The following PTPN18 variants were observed in gnomAD, a reference collection of about 807,000 sequenced individuals.
The protein encoded by PTPN18 is protein tyrosine phosphatase non-receptor type 18.
Under a neutral mutation model 65.4 loss-of-function variants are expected in PTPN18, and 65 were observed. The observed-to-expected ratio is 0.99, with a 90% CI of 0.81 to 1.22. PTPN18 has a LOEUF of 1.22. Among genes scored for constraint, PTPN18 ranks in the 50% most tolerant of loss-of-function variants. PTPN18 has a pLI of 0.00. For synonymous variants in PTPN18, 255 were observed against 267.8 expected, an observed-to-expected ratio of 0.95 and a Z score of 0.47; for missense variants, 616 against 646.5, an observed-to-expected ratio of 0.95 and a Z score of 0.51.
rs1265843061 is a variant in PTPN18, at chr2:130,358,973, C to G, written c.200C>G (p.Pro67Arg). ...VRKNRYKDVL[P>R]YDQTRVILSL... Reference sequence around the variant, plus strand: ...AAGAACCGCTACAAAGACGTGCTGCCTTGTAAGTCGGGGCTTCCGTAGGGA... The same window carrying G: ...AAGAACCGCTACAAAGACGTGCTGCGTTGTAAGTCGGGGCTTCCGTAGGGA... The change falls in exon 2 of 15, where the codon CCT becomes CGT. Residue 67 changes from proline to arginine, a missense_variant and splice_region_variant. Pro to Arg is a moderately radical substitution (Grantham distance 103). Coordinates refer to ENST00000175756, the MANE Select transcript of PTPN18 (RefSeq NM_014369.4). The G allele has an allele frequency of 6.2e-7, 1 of 1,613,640 alleles. No homozygotes were observed.
At chr2:130,369,967 G>T (rs999005997) in intron 7 of PTPN18, 81 bp from the exon 8 acceptor site, 7 of 1,576,032 alleles carry the variant, frequency 4.4e-6, no homozygotes, top group Non-Finnish European at 6.1e-6. Context: ...CTAGAAGTGG[G>T]CCTGGTGTAT....
chr2:130,373,346 G>C lies in PTPN18; in HGVS notation c.*122G>C. ...TGGATCAAAGTTAAAGTTTCTCAGG[G>C]TGGGAAATGTGGGGGCTTTGCCCCA... On this transcript the variant is annotated 3_prime_UTR_variant, in exon 15 of 15. Transcript: ENST00000175756. This position sits in a 1 kb window ranked among gnomAD's most constrained non-coding sequence, Gnocchi z 4.1. The C allele has an allele frequency of 9.8e-7, 1 of 1,019,048 alleles. No homozygotes were observed. The highest frequency in any genetic ancestry group is 1.4e-6 in the Non-Finnish European group (1 of 719,126). The allele number at this position is 1,019,048 out of a possible 1,614,324, so 63.1% of individuals were successfully genotyped here.
chr2:130,356,457 T>G, intron 1 of PTPN18: 5 of 499,526 alleles, frequency 1.0e-5, no homozygotes, highest in Admixed American at 3.0e-5. Flanking sequence ...TCGTTCCCGG[T>G]GTCCTCGTCG....
At chr2:130,371,525 C>T (rs1680565497) in intron 12 of PTPN18, among the ~76,000 whole-genome samples, 1 of 152,172 alleles carries the variant, frequency 6.6e-6, no homozygotes, top group Non-Finnish European at 1.5e-5. Context: ...TTCCTGGATC[C>T]TCTAATCAAA....
intron 5 of PTPN18, among the ~76,000 whole-genome samples, chr2:130,361,576 C>T (rs1361874470): frequency 8.8e-5 from 9 of 101,910 alleles, no homozygotes; most frequent in African/African-American, 4.0e-4. Context: ...CCTTTCTTTC[C>T]TTTCTTTCCT....
rs755390465 is a variant in PTPN18, at chr2:130,372,868, C to T, written c.1241-5C>T. The T allele has an allele frequency of 1.9e-6, 3 of 1,614,122 alleles. No homozygotes were observed. The highest frequency in any genetic ancestry group is 1.7e-6 in the Non-Finnish European group (2 of 1,180,018). ...GCTGACCCGTGGGGGGTCTGCTGCC[C>T]TCAGTTCCTGCTGACCAAAGTCCTG... On this transcript the variant is annotated splice_polypyrimidine_tract_variant and splice_region_variant and intron_variant, in intron 13 of 14. Transcript: ENST00000175756.
rs1238536826 is a variant in PTPN18, at chr2:130,370,902, G to C, written c.862G>C (p.Val288Leu). 1 of 1,614,108 alleles carries C rather than the reference G, an allele frequency of 6.2e-7. No individual in the cohort carries two copies. Among genetic ancestry groups the C allele is most frequent in the South Asian group, 1.1e-5 (1 of 91,080 alleles). ...GCAGTACAGGTTCCTGTACCACACG[G>C]TGGCTCAGATGTTCTGCTCCACACT... ...EEQYRFLYHTVAQMFCSTLQN... is the reference protein window; with the variant it reads ...EEQYRFLYHTLAQMFCSTLQN... Residue 288 changes from valine to leucine, a missense_variant, in exon 11 of 15, where the codon GTG becomes CTG. Transcript: ENST00000175756.
At chr2:130,367,412 G>A (rs2104944074) in intron 5 of PTPN18, among the ~76,000 whole-genome samples, 1 of 152,248 alleles carries the variant, frequency 6.6e-6, no homozygotes, top group South Asian at 2.1e-4. Context: ...GGTGGCTCAT[G>A]CCTGTAATCC....
At position 130,370,076 on chromosome 2, in the gene PTPN18, AT is replaced by A; in HGVS notation, c.576del (p.Tyr192Ter). 1 of 1,614,100 alleles carries A rather than the reference AT, an allele frequency of 6.2e-7. No homozygotes were observed. Among genetic ancestry groups the A allele is most frequent in the Non-Finnish European group, 8.5e-7 (1 of 1,180,022 alleles). On this transcript the variant is annotated frameshift_variant, in exon 8 of 15. Transcript: ENST00000175756. LOFTEE classifies it high-confidence loss of function. ...TCCCGTTCTGTGTACCAGCTACAGT[AT>A]ATGTCCTGGCCAGACCGTGGGGTCC... ...KESRSVYQLQ[Y>X]MSWPDRGVPS...
At position 130,370,137 on chromosome 2, in the gene PTPN18, G is replaced by A; in HGVS notation, c.636G>A (p.Glu212=). The A allele has an allele frequency of 6.2e-7, 1 of 1,614,032 alleles. No homozygotes were observed. The highest frequency in any genetic ancestry group is 8.5e-7 in the Non-Finnish European group (1 of 1,180,040). ...SSPDHMLAMV[E]EARRLQGSGP... is the part of the protein sequence containing the mutation. ...CTGACCACATGCTCGCCATGGTGGA[G>A]GAAGCCCGTCGCCTCCAGGGATCTG... Residue 212 remains glutamate, a synonymous_variant, in exon 8 of 15, where the codon GAG becomes GAA. Transcript: ENST00000175756.
Position 130,359,384 on chromosome 2 carries a change from C to G in PTPN18, c.280-13C>G. On this transcript the variant is annotated splice_polypyrimidine_tract_variant and intron_variant, in intron 3 of 14. Coordinates refer to ENST00000175756, the MANE Select transcript of PTPN18 (RefSeq NM_014369.4). ...GGCCGCAGAATCTCAGTCGTGAATT[C>G]GGCCTTCACCAGGGCGTGGATGGAA... 1 of 1,614,070 alleles carries G rather than the reference C, an allele frequency of 6.2e-7. No individual in the cohort carries two copies. Among genetic ancestry groups the G allele is most frequent in the Non-Finnish European group, 8.5e-7 (1 of 1,179,974 alleles).
chr2:130,358,971 GC>G lies in PTPN18; in HGVS notation c.200del (p.Pro67LeufsTer7), dbSNP rs754968670. ...GGAAGAACCGCTACAAAGACGTGCT[GC>G]CTTGTAAGTCGGGGCTTCCGTAGGG... ...VRKNRYKDVLPYDQTRVILSL... is the reference protein window; with the variant it reads ...VRKNRYKDVLXYDQTRVILSL... On this transcript the variant is annotated frameshift_variant, in exon 2 of 15. Transcript: ENST00000175756. LOFTEE classifies it high-confidence loss of function. 7.4e-6 allele frequency: 12 copies of G among 1,613,698 alleles called. No homozygotes were observed. The highest frequency in any genetic ancestry group is 8.5e-6 in the Non-Finnish European group (10 of 1,179,726).
chr2:130,357,811 G>A lies in PTPN18; in HGVS notation c.94-1056G>A, dbSNP rs1165112619. Among the ~76,000 whole-genome samples, 26 of 147,532 alleles carry A rather than the reference G, an allele frequency of 1.8e-4. No individual in the cohort carries two copies. The East Asian group carries it at 5.2e-3, about 29-fold the overall frequency. ...GCGGAGCTTGCAGTGAGCCGAGATC[G>A]CGCCACTGCAGTCCAGCCTGGGCAA... On this transcript the variant is annotated intron_variant, in intron 1 of 14. Transcript: ENST00000175756.
intron 12 of PTPN18, 107 bp from the exon 13 acceptor site, chr2:130,372,150 C>T: frequency 8.9e-7 from 1 of 1,118,270 alleles, no homozygotes; most frequent in Non-Finnish European, 1.3e-6. Context: ...ATCTAGCGCA[C>T]CGCCTCGGCG....
intron 6 of PTPN18, 138 bp from the exon 7 acceptor site, chr2:130,369,627 T>G: frequency 1.1e-6 from 1 of 896,882 alleles, no homozygotes; most frequent in Non-Finnish European, 1.7e-6. Context: ...TGGGGAAAGT[T>G]TGGGCTATAT....
intron 1 of PTPN18, 54 bp downstream of exon 1, chr2:130,356,254 C>T (rs1679966655): frequency 8.2e-7 from 1 of 1,223,372 alleles, no homozygotes; most frequent in Admixed American, 4.1e-5. Flanking sequence ...GCCCTGCGTA[C>T]GCCTGTCCTC....
intron 1 of PTPN18, chr2:130,356,697 G>A (rs975210176): frequency 4.4e-6 from 2 of 450,750 alleles, no homozygotes; most frequent in Non-Finnish European, 9.4e-6. Flanking sequence ...GCCCGAATCC[G>A]CTTCCCGTCC....
intron 5 of PTPN18, among the ~76,000 whole-genome samples, chr2:130,360,806 C>A (rs1315606448): frequency 6.6e-6 from 1 of 151,200 alleles, no homozygotes; most frequent in Non-Finnish European, 1.5e-5. Context: ...CATTTGTATT[C>A]ATTTTCTCTA....
intron 7 of PTPN18, 23 bp from the exon 8 acceptor site, chr2:130,370,013 CCTAAGTCTTTTG>C: frequency 1.3e-6 from 2 of 1,597,138 alleles, no homozygotes; most frequent in African/African-American, 2.7e-5. Flanking sequence ...TCTTTTTTTT[CCTAAGTCTTTTG>C]CTCATCTTTT....
Sources: gnomAD v4.1 joint callset for allele counts (sites outside exome capture counted in the v4.1 genomes callset) on GRCh38, gnomAD v4.1.1 for gene constraint, Gnocchi (gnomAD v3.1) non-coding constraint, MANE v1.5 for transcripts, NCBI Gene and HGNC (gene_info 2026-07-23, HGNC 2026-07-21) for gene names.